Variants in KCNQ3 observed in about 807,000 individuals in gnomAD.
KCNQ3 encodes potassium voltage-gated channel subfamily KQT member 3.
In KCNQ3, 30 loss-of-function variants were observed where a neutral mutation model predicts 92.5. The observed-to-expected ratio is 0.32, with a 90% CI of 0.24 to 0.44. The LOEUF (loss-of-function observed/expected upper bound fraction) is 0.44. KCNQ3 is among the 20% of genes least tolerant of loss of function. KCNQ3 has a pLI of 1.00. For missense variants in KCNQ3, 913 were observed against 1,140.3 expected (o/e 0.80, Z 2.87); for synonymous variants, 450 against 468.8 (o/e 0.96, Z 0.52).
intron 1 of KCNQ3, among the ~76,000 whole-genome samples, chr8:132,396,940 G>A (rs1398712353): frequency 7.0e-6 from 1 of 143,678 alleles, no homozygotes; most frequent in Non-Finnish European, 1.6e-5. Flanking sequence ...GATAAAAATT[G>A]TGTGTGTGCG....
intron 1 of KCNQ3, among the ~76,000 whole-genome samples, chr8:132,424,804 T>C (rs1821066845): frequency 6.6e-6 from 1 of 152,174 alleles, no homozygotes; most frequent in African/African-American, 2.4e-5. Context: ...CTCTAATTTC[T>C]GGCCCAGTCT....
intron 1 of KCNQ3, among the ~76,000 whole-genome samples, chr8:132,190,989 C>T (rs1827137516): frequency 6.6e-6 from 1 of 152,120 alleles, no homozygotes; most frequent in Non-Finnish European, 1.5e-5. Context: ...TAATAAGAAC[C>T]AATGTATGTT....
At chr8:132,350,719 C>T (rs1401387728) in intron 1 of KCNQ3, among the ~76,000 whole-genome samples, 1 of 152,190 alleles carries the variant, frequency 6.6e-6, no homozygotes, top group African/African-American at 2.4e-5. Flanking sequence ...CAGCATTCCT[C>T]ACGCACGTGA....
At position 132,375,371 on chromosome 8, in the gene KCNQ3, G is replaced by A. The variant is rs150071016; in HGVS notation, c.386+104776C>T. Among the ~76,000 whole-genome samples, 23 of 152,112 alleles carry A rather than the reference G, an allele frequency of 1.5e-4. 1 individual carries two copies. Among genetic ancestry groups the A allele is most frequent in the Admixed American group, 8.5e-4 (13 of 15,284 alleles). On this transcript the variant is annotated intron_variant, in intron 1 of 14. Coordinates refer to ENST00000388996, the MANE Select transcript of KCNQ3 (RefSeq NM_004519.4). ...GTTTTTGCCTTTTGGGAAATCTCTC[G>A]AGTGTCTGGTTTAATAGGAGACAGC...
intron 1 of KCNQ3, among the ~76,000 whole-genome samples, chr8:132,423,698 A>G (rs961620583): frequency 6.6e-6 from 1 of 152,178 alleles, no homozygotes; most frequent in Non-Finnish European, 1.5e-5. Context: ...TGAGTAATTC[A>G]GCCGAGGTCA....
intron 1 of KCNQ3, among the ~76,000 whole-genome samples, chr8:132,234,075 T>C (rs1373557616): frequency 6.6e-6 from 1 of 152,194 alleles, no homozygotes; most frequent in Non-Finnish European, 1.5e-5. Context: ...CCGGGACATG[T>C]GGCCATCCTG....
At chr8:132,156,706 T>C (rs1825805064) in intron 9 of KCNQ3, among the ~76,000 whole-genome samples, 3 of 152,200 alleles carry the variant, frequency 2.0e-5, no homozygotes, top group Non-Finnish European at 4.4e-5. Flanking sequence ...CACAGAGGGT[T>C]AAATTGTGTT....
intron 11 of KCNQ3, among the ~76,000 whole-genome samples, 198 bp from the exon 12 acceptor site, chr8:132,138,214 T>TTCAA (rs1825170604): frequency 6.6e-6 from 1 of 152,208 alleles, no homozygotes; most frequent in African/African-American, 2.4e-5. Flanking sequence ...GATTACTCCC[T>TTCAA]TCAATCATTT....
intron 1 of KCNQ3, among the ~76,000 whole-genome samples, chr8:132,469,359 C>T (rs1165796059): frequency 6.6e-6 from 1 of 152,176 alleles, no homozygotes; most frequent in Non-Finnish European, 1.5e-5. Flanking sequence ...CAAGATGCTG[C>T]CACTCACGCT....
At chr8:132,134,235 G>C in intron 13 of KCNQ3, 55 bp downstream of exon 13, 1 of 1,308,712 alleles carries the variant, frequency 7.6e-7, no homozygotes, top group Non-Finnish European at 1.1e-6. Flanking sequence ...TGGGGGTGGG[G>C]ATGCTTTACA....
At chr8:132,397,359 G>C (rs1313473061) in intron 1 of KCNQ3, among the ~76,000 whole-genome samples, 5 of 152,156 alleles carry the variant, frequency 3.3e-5, no homozygotes, top group African/African-American at 9.7e-5. Context: ...CAGGGCATGA[G>C]AGCAAAGTAC....
intron 1 of KCNQ3, among the ~76,000 whole-genome samples, chr8:132,392,466 T>G (rs1314280302): frequency 6.6e-6 from 1 of 151,936 alleles, no homozygotes; most frequent in Non-Finnish European, 1.5e-5. Flanking sequence ...CATCCCAGGG[T>G]CTTTGCACTG....
chr8:132,380,287 C>T (rs1219620337), intron 1 of KCNQ3, among the ~76,000 whole-genome samples: 1 of 152,090 alleles, frequency 6.6e-6, no homozygotes, highest in Non-Finnish European at 1.5e-5. Flanking sequence ...AGTGTAGGTT[C>T]TTGTGGGGCT....
At chr8:132,192,201 G>A (rs1390429341) in intron 1 of KCNQ3, among the ~76,000 whole-genome samples, 2 of 152,180 alleles carry the variant, frequency 1.3e-5, no homozygotes, top group Non-Finnish European at 2.9e-5. Flanking sequence ...TGGCCAGGAG[G>A]GGGCAGCAGA....
chr8:132,390,459 A>C (rs530428645), intron 1 of KCNQ3, among the ~76,000 whole-genome samples: 1 of 152,302 alleles, frequency 6.6e-6, no homozygotes, highest in South Asian at 2.1e-4. Flanking sequence ...TACACCATAA[A>C]AAATGATATT....
At chr8:132,460,305 C>T (rs1462038867) in intron 1 of KCNQ3, among the ~76,000 whole-genome samples, 1 of 152,134 alleles carries the variant, frequency 6.6e-6, no homozygotes, top group Non-Finnish European at 1.5e-5. Flanking sequence ...TGCATATACA[C>T]ATATTTATAA....
At chr8:132,239,592 G>A (rs1321569738) in intron 1 of KCNQ3, among the ~76,000 whole-genome samples, 6 of 152,190 alleles carry the variant, frequency 3.9e-5, no homozygotes, top group East Asian at 1.9e-4. Flanking sequence ...GGAAGATCAC[G>A]CCCATGCTGC....
At chr8:132,239,778 C>T (rs1343718181) in intron 1 of KCNQ3, among the ~76,000 whole-genome samples, 3 of 152,150 alleles carry the variant, frequency 2.0e-5, no homozygotes, top group East Asian at 3.9e-4. Flanking sequence ...CTGTATCCCA[C>T]GATAGTTGAG....
intron 1 of KCNQ3, among the ~76,000 whole-genome samples, chr8:132,364,648 A>T (rs962736627): frequency 1.2e-4 from 19 of 152,086 alleles, no homozygotes; most frequent in African/African-American, 4.6e-4. Flanking sequence ...ACAGTATTTA[A>T]CAAATGGGTT....
Sources: gnomAD v4.1 joint callset for allele counts (sites outside exome capture counted in the v4.1 genomes callset) on GRCh38, gnomAD v4.1.1 for gene constraint, MANE v1.5 for transcripts, NCBI Gene and HGNC (gene_info 2026-07-23, HGNC 2026-07-21) for gene names.